EPC1: variants seen among roughly 807,000 people sequenced by gnomAD.
EPC1 encodes the protein enhancer of polycomb 1.
Under a neutral mutation model 98.4 loss-of-function variants are expected in EPC1, and 12 were observed. The observed-to-expected ratio is 0.12, with a 90% CI of 0.08 to 0.20. EPC1 has a LOEUF of 0.20. Ranked by LOEUF, EPC1 falls within the 10% of genes least tolerant of loss-of-function variation. The pLI is 1.00. For synonymous variants in EPC1, 357 were observed against 363.9 expected (o/e 0.98, Z 0.21); for missense variants, 729 against 990.5 (o/e 0.74, Z 3.54).
chr10:32,353,738 A>G (rs1839192108), intron 1 of EPC1, among the ~76,000 whole-genome samples: 1 of 152,258 alleles, frequency 6.6e-6, no homozygotes, highest in African/African-American at 2.4e-5. Context: ...ATGCACAATG[A>G]TCTCTACATT....
chr10:32,359,126 T>C (rs1839368079), intron 1 of EPC1, among the ~76,000 whole-genome samples: 2 of 152,214 alleles, frequency 1.3e-5, no homozygotes, highest in Admixed American at 1.3e-4. Flanking sequence ...GGAAATTTCA[T>C]TCTAGGCAAT....
chr10:32,344,949 T>C (rs1013297251), intron 1 of EPC1, among the ~76,000 whole-genome samples: 3 of 152,234 alleles, frequency 2.0e-5, no homozygotes, highest in Admixed American at 1.3e-4. Flanking sequence ...AAGTCTAAAG[T>C]GTACTGTTGT....
At position 32,347,132 on chromosome 10, in the gene EPC1, A is replaced by G; in HGVS notation, c.-217T>C. 7.0e-7 allele frequency: 1 copy of G among 1,425,170 alleles called. No homozygotes were observed. Among genetic ancestry groups the G allele is most frequent in the Non-Finnish European group, 9.1e-7 (1 of 1,093,894 alleles). The allele number at this position is 1,425,170 out of a possible 1,614,324, so 88.3% of individuals were successfully genotyped here. ...CGCTCTCTTCAATACGCCATGGCCAACATGGCGGACATTAAAACTCCACTG... is the reference window on the plus strand; with the variant it reads ...CGCTCTCTTCAATACGCCATGGCCAGCATGGCGGACATTAAAACTCCACTG... On this transcript the variant is annotated 5_prime_UTR_variant, in exon 1 of 14. Transcript: ENST00000319778.
chr10:32,317,635 C>CT (rs1836634426), intron 1 of EPC1, among the ~76,000 whole-genome samples: 1 of 152,064 alleles, frequency 6.6e-6, no homozygotes, highest in South Asian at 2.1e-4. Flanking sequence ...GAGCAAGACT[C>CT]TGTCTCAAAA....
At chr10:32,346,067 C>G (rs1318966604) in intron 1 of EPC1, among the ~76,000 whole-genome samples, 2 of 152,160 alleles carry the variant, frequency 1.3e-5, no homozygotes, top group Non-Finnish European at 2.9e-5. Context: ...TACAAACGTC[C>G]CAGAAAGAGG....
chr10:32,271,053 T>G (rs1300277893), intron 13 of EPC1, among the ~76,000 whole-genome samples: 2 of 151,178 alleles, frequency 1.3e-5, no homozygotes, highest in Non-Finnish European at 2.9e-5. Context: ...CAGAGTGCAA[T>G]GGTGCGATCT....
chr10:32,329,123 T>C (rs1837487360), intron 1 of EPC1, among the ~76,000 whole-genome samples: 1 of 152,242 alleles, frequency 6.6e-6, no homozygotes, highest in South Asian at 2.1e-4. Context: ...GGCTCCTTTA[T>C]GATTAGATGC....
chr10:32,278,126 G>A (rs1836195013), intron 10 of EPC1, among the ~76,000 whole-genome samples: 1 of 151,812 alleles, frequency 6.6e-6, no homozygotes, highest in Admixed American at 6.6e-5. Flanking sequence ...CTGTTGCCCA[G>A]GCCTCCCGGG....
chr10:32,314,432 A>C (rs1836435518), intron 1 of EPC1, among the ~76,000 whole-genome samples: 1 of 152,224 alleles, frequency 6.6e-6, no homozygotes, highest in Non-Finnish European at 1.5e-5. Context: ...GCAATAGAAG[A>C]GTGCCAGGTT....
At chr10:32,279,923 G>A (rs925019317) in intron 10 of EPC1, among the ~76,000 whole-genome samples, 4 of 151,960 alleles carry the variant, frequency 2.6e-5, no homozygotes, top group Admixed American at 2.0e-4. Context: ...ATACACATAC[G>A]GTCTTTCCCA....
chr10:32,296,163 C>T (rs1451231666), intron 2 of EPC1, among the ~76,000 whole-genome samples: 2 of 152,044 alleles, frequency 1.3e-5, no homozygotes, highest in Non-Finnish European at 2.9e-5. Flanking sequence ...TCTTGAACTC[C>T]TGAACTCATG....
intron 10 of EPC1, among the ~76,000 whole-genome samples, chr10:32,275,962 AT>A (rs1836071203): frequency 6.6e-6 from 1 of 151,964 alleles, no homozygotes; most frequent in Non-Finnish European, 1.5e-5. Flanking sequence ...TGCAATCAAC[AT>A]TTTAGATTAC....
At chr10:32,278,398 T>C (rs1395366662) in intron 10 of EPC1, among the ~76,000 whole-genome samples, 3 of 135,780 alleles carry the variant, frequency 2.2e-5, no homozygotes, top group African/African-American at 8.4e-5. Flanking sequence ...TTTTTTTTTT[T>C]TGAGACGGAG....
At chr10:32,377,101 G>A (rs1839886629) in intron 1 of EPC1, 1 of 152,108 alleles carries the variant, frequency 6.6e-6, no homozygotes, top group Non-Finnish European at 1.5e-5. Flanking sequence ...ATTTAGATAT[G>A]TGAACATCAA....
intron 1 of EPC1, among the ~76,000 whole-genome samples, chr10:32,358,281 G>C (rs1293890224): frequency 6.6e-6 from 1 of 152,090 alleles, no homozygotes; most frequent in African/African-American, 2.4e-5. Context: ...TTAAAGTATA[G>C]AATGCACTGA....
chr10:32,289,953 C>T (rs984974371), intron 6 of EPC1, among the ~76,000 whole-genome samples: 4 of 152,066 alleles, frequency 2.6e-5, no homozygotes, highest in East Asian at 1.9e-4. Flanking sequence ...AAATGCATAA[C>T]GTACTTTTTC....
At chr10:32,295,662 T>C (rs1487846272) in intron 2 of EPC1, among the ~76,000 whole-genome samples, 3 of 152,214 alleles carry the variant, frequency 2.0e-5, no homozygotes, top group Admixed American at 2.0e-4. Flanking sequence ...ACCAAAATAA[T>C]GCAGGTCTAT....
At chr10:32,340,379 A>G (rs937602959) in intron 1 of EPC1, among the ~76,000 whole-genome samples, 24 of 152,218 alleles carry the variant, frequency 1.6e-4, no homozygotes, top group Non-Finnish European at 3.2e-4. Flanking sequence ...TTCACTTCAT[A>G]TATTTAAAGG....
chr10:32,271,655 C>T lies in EPC1; in HGVS notation c.2268G>A (p.Arg756=). The change falls in exon 13 of 14, where the codon AGG becomes AGA. Residue 756 remains arginine (R), a synonymous_variant. Coordinates refer to ENST00000319778, the MANE Select transcript of EPC1 (RefSeq NM_001272004.3). Reference sequence around the variant, plus strand: ...CAGATGATGGAACAGCACTTAAAGTCCTAGGTATATGTCGTGCATTTATTG... The same window carrying T: ...CAGATGATGGAACAGCACTTAAAGTTCTAGGTATATGTCGTGCATTTATTG... ...IAPINARHIP[R]TLSAVPSSAL... 6.2e-7 allele frequency: 1 copy of T among 1,614,154 alleles called. No homozygotes were observed. The highest frequency in any genetic ancestry group is 1.1e-5 in the South Asian group (1 of 91,080).
Sources: allele counts gnomAD v4.1 joint callset (sites outside exome capture counted in the v4.1 genomes callset), GRCh38; gene constraint gnomAD v4.1.1; transcripts MANE v1.5; gene names NCBI Gene and HGNC (gene_info 2026-07-23, HGNC 2026-07-21).